C1S: variants seen among roughly 807,000 people sequenced by gnomAD.
C1S encodes the protein complement C1s, also known as complement C1s subcomponent.
Under a neutral mutation model 54.0 loss-of-function variants are expected in C1S, and 31 were observed. That is an observed-to-expected ratio of 0.57 (90% CI 0.43 to 0.78). The LOEUF (loss-of-function observed/expected upper bound fraction) is 0.78, where lower values mean the gene tolerates loss of function less well. C1S is among the 30% of genes least tolerant of loss of function. C1S has a pLI of 0.00. For missense variants in C1S, 727 were observed against 851.8 expected, an observed-to-expected ratio of 0.85 and a Z score of 1.82; for synonymous variants, 292 against 303.6, an observed-to-expected ratio of 0.96 and a Z score of 0.40.
At position 7,062,485 on chromosome 12, in the gene C1S, C is replaced by A; in HGVS notation, c.16C>A (p.Leu6Met). The A allele has an allele frequency of 6.2e-7, 1 of 1,612,868 alleles. No individual in the cohort carries two copies. Among genetic ancestry groups the A allele is most frequent in the Non-Finnish European group, 8.5e-7 (1 of 1,179,910 alleles). ...CCTCTGTTTTTTCAGGTGCATTGTC[C>A]TGTTTTCACTTTTGGCATGGGTTTA... MWCIVLFSLLAWVYAE... is the reference protein window; with the variant it reads MWCIVMFSLLAWVYAE... The change falls in exon 3 of 12, where the codon CTG becomes ATG. Residue 6 changes from leucine (L) to methionine (M), a missense_variant. Leu to Met is a conservative substitution (Grantham distance 15). Transcript: ENST00000360817.
In C1S at chr12:7,070,757, G is replaced by A. The variant is rs782188848; in HGVS notation, c.*106G>A. On this transcript the variant is annotated 3_prime_UTR_variant, in exon 12 of 12. Transcript: ENST00000360817. The surrounding 1 kb of genome is among the most constrained non-coding windows in gnomAD (Gnocchi z 4.9). ...ATCATGACTGAAAGAAGACACGAGC[G>A]AATGATTTAAATAGAACTTGATTGT... 1.7e-5 allele frequency: 17 copies of A among 977,346 alleles called. No homozygotes were observed. The highest frequency in any genetic ancestry group is 2.6e-5 in the Non-Finnish European group (16 of 615,332). 60.5% of individuals were successfully genotyped at this position (977,346 alleles called of 1,614,324 possible).
In C1S at chr12:7,065,035, A is replaced by G; in HGVS notation, c.518-65A>G. 3 of 1,326,332 alleles carry G rather than the reference A, an allele frequency of 2.3e-6. No individual in the cohort carries two copies. In the South Asian group the frequency reaches 3.6e-5, roughly 16 times the overall value. The allele number at this position is 1,326,332 out of a possible 1,614,324, so 82.2% of individuals were successfully genotyped here. A position where few individuals can be genotyped will look rare whatever the true frequency, so the allele number is the denominator to read the frequency against. On this transcript the variant is annotated intron_variant, in intron 5 of 11. Coordinates refer to ENST00000360817, the MANE Select transcript of C1S (RefSeq NM_001734.5). ...CAGTTTCTGAGAGAAGGAATCATAG[A>G]ATAGTGCAGGAATTCCTTTGCTTGA...
In C1S at chr12:7,070,527, ACGCAGCT is replaced by A; in HGVS notation, c.1944_1950del (p.Tyr648Ter). 1 of 1,613,860 alleles carries A rather than the reference ACGCAGCT, an allele frequency of 6.2e-7. No individual in the cohort carries two copies. Among genetic ancestry groups the A allele is most frequent in the Non-Finnish European group, 8.5e-7 (1 of 1,179,856 alleles). On this transcript the variant is annotated frameshift_variant, in exon 12 of 12. Transcript: ENST00000360817. LOFTEE classifies it low-confidence loss of function (END_TRUNC). The surrounding 1 kb of genome is among the most constrained non-coding windows in gnomAD (Gnocchi z 4.9). Reference sequence around the variant, plus strand: ...GATCCCAATGACAAGACCAAATTCTACGCAGCTGGCCTGGTGTCCTGGGGGCCCCAGT... The same window carrying A: ...GATCCCAATGACAAGACCAAATTCTAGGCCTGGTGTCCTGGGGGCCCCAGT...
intron 8 of C1S, 70 bp from the exon 9 acceptor site, chr12:7,066,969 A>C (rs1555162356): frequency 1.8e-6 from 2 of 1,118,390 alleles, no homozygotes; most frequent in Admixed American, 3.4e-5. Context: ...GCCAGAGATC[A>C]ATTCCAGTTT....
In C1S at chr12:7,069,987, A is replaced by C. The variant is rs1555162933; in HGVS notation, c.1403A>C (p.Tyr468Ser). 1 of 1,614,178 alleles carries C rather than the reference A, an allele frequency of 6.2e-7. No homozygotes were observed. Among genetic ancestry groups the C allele is most frequent in the East Asian group, 2.2e-5 (1 of 44,872 alleles). The stretch of plus-strand genomic sequence containing the variant: ...GCTGGTGGAGCGCTCATTAATGAGT[A>C]CTGGGTGCTGACGGCTGCTCATGTT... ...PWAGGALINE[Y>S]WVLTAAHVVE... Residue 468 changes from tyrosine to serine, a missense_variant, in exon 12 of 12, where the codon TAC becomes TCC. Coordinates refer to ENST00000360817, the MANE Select transcript of C1S (RefSeq NM_001734.5).
intron 5 of C1S, among the ~76,000 whole-genome samples, 199 bp from the exon 6 acceptor site, chr12:7,064,901 T>C (rs1947150949): frequency 1.3e-5 from 2 of 152,204 alleles, no homozygotes; most frequent in African/African-American, 2.4e-5. Flanking sequence ...AGCAAAGTGA[T>C]GGAAACCTAA....
In C1S at chr12:7,065,089, TTC is replaced by T. The variant is rs1555161894; in HGVS notation, c.518-7_518-6del. The stretch of plus-strand genomic sequence containing the variant: ...TGTATTTGATTCTCCCTTTCTCTTT[TTC>T]TCTGTTAGTTAATTGCAGTGGGGAT... On this transcript the variant is annotated splice_polypyrimidine_tract_variant and intron_variant, in intron 5 of 11. Transcript: ENST00000360817. The T allele has an allele frequency of 6.2e-7, 1 of 1,608,176 alleles. No homozygotes were observed. The highest frequency in any genetic ancestry group is 2.2e-5 in the East Asian group (1 of 44,840).
chr12:7,065,005 A>G, intron 5 of C1S, 95 bp from the exon 6 acceptor site: 1 of 1,067,284 alleles, frequency 9.4e-7, no homozygotes, highest in Non-Finnish European at 1.4e-6. Context: ...TGAATGCAGG[A>G]CTGTCAGTTT....
chr12:7,062,438 C>T, intron 2 of C1S, 37 bp from the exon 3 acceptor site: 1 of 1,523,308 alleles, frequency 6.6e-7, no homozygotes, highest in Non-Finnish European at 9.1e-7. Flanking sequence ...GCTACTGGTG[C>T]CTGGTCACCC....
intron 4 of C1S, chr12:7,063,409 T>A (rs1555161602): frequency 2.2e-6 from 1 of 460,612 alleles, no homozygotes; most frequent in Non-Finnish European, 4.4e-6. Context: ...CATATAAAGA[T>A]GAAGAAAATA....
chr12:7,061,989 G>T, intron 2 of C1S, 72 bp downstream of exon 2: 3 of 1,484,906 alleles, frequency 2.0e-6, no homozygotes, highest in Non-Finnish European at 2.8e-6. Context: ...GCGCTCAAGG[G>T]CCAGGCATGA....
chr12:7,066,646 C>T lies in C1S; in HGVS notation c.987+13C>T. The T allele has an allele frequency of 6.7e-7, 1 of 1,487,328 alleles. No homozygotes were observed. Among genetic ancestry groups the T allele is most frequent in the Non-Finnish European group, 9.4e-7 (1 of 1,064,050 alleles). The allele number at this position is 1,487,328 out of a possible 1,614,324, so 92.1% of individuals were successfully genotyped here. A position where few individuals can be genotyped will look rare whatever the true frequency, so the allele number is the denominator to read the frequency against. The stretch of plus-strand genomic sequence containing the variant: ...TGAAGTTGTGGAGGTAAAGTACCAC[C>T]TTGGCTTCTCCCCAGTCCCTGGCCC... On this transcript the variant is annotated intron_variant, in intron 8 of 11. Coordinates refer to ENST00000360817, the MANE Select transcript of C1S (RefSeq NM_001734.5).
At chr12:7,065,037 T>C in intron 5 of C1S, 63 bp from the exon 6 acceptor site, 1 of 1,329,902 alleles carries the variant, frequency 7.5e-7, no homozygotes, top group Admixed American at 1.7e-5. Context: ...AATCATAGAA[T>C]AGTGCAGGAA....
chr12:7,066,791 T>G (rs995718954), intron 8 of C1S, 158 bp downstream of exon 8: 7 of 714,298 alleles, frequency 9.8e-6, no homozygotes, highest in Non-Finnish European at 1.8e-5. Context: ...CCCTTGTGAG[T>G]CATGGAGCTG....
At chr12:7,066,781 C>G (rs182893405) in intron 8 of C1S, 148 bp downstream of exon 8, 1 of 718,364 alleles carries the variant, frequency 1.4e-6, no homozygotes, top group Admixed American at 2.0e-5. Flanking sequence ...CTGTAGTTCT[C>G]CCTTGTGAGT....
chr12:7,065,992 C>G (rs1482389150), intron 7 of C1S, 22 bp downstream of exon 7: 1 of 1,610,900 alleles, frequency 6.2e-7, no homozygotes, highest in Non-Finnish European at 8.5e-7. Context: ...AGAAGTGCCT[C>G]TTTGGTTGGT....
At chr12:7,068,221 G>A (rs1937729138) in intron 10 of C1S, among the ~76,000 whole-genome samples, 2 of 152,196 alleles carry the variant, frequency 1.3e-5, no homozygotes, top group African/African-American at 2.4e-5. Flanking sequence ...CTTTCCCGAT[G>A]CCTTCTTTCC....
In C1S at chr12:7,064,227, G is replaced by A. The variant is rs1555161724; in HGVS notation, c.392-40G>A. ...GATTTAACCTCATTCTCCCTTCTTG[G>A]TGTTTGTTCTTGACCTCAGCCTCTT... On this transcript the variant is annotated intron_variant, in intron 4 of 11. Transcript: ENST00000360817. 8 of 1,611,720 alleles carry A rather than the reference G, an allele frequency of 5.0e-6. No homozygotes were observed. In the East Asian group the frequency reaches 1.1e-4, roughly 22 times the overall value.
In C1S at chr12:7,070,039, G is replaced by C. The variant is rs1937801788; in HGVS notation, c.1455G>C (p.Met485Ile). ...TGGAGGGAAACAGGGAGCCAACAAT[G>C]TATGTTGGGTCCACCTCAGTGCAGA... is the stretch of plus-strand genomic sequence containing the variant. ...HVVEGNREPT[M>I]YVGSTSVQTS... Residue 485 changes from methionine to isoleucine, a missense_variant, in exon 12 of 12, where the codon ATG becomes ATC. Physicochemically the swap from Met to Ile is conservative, Grantham distance 10. Coordinates refer to ENST00000360817, the MANE Select transcript of C1S (RefSeq NM_001734.5). This position sits in a 1 kb window ranked among gnomAD's most constrained non-coding sequence, Gnocchi z 4.9. 1 of 1,613,946 alleles carries C rather than the reference G, an allele frequency of 6.2e-7. No individual in the cohort carries two copies. The highest frequency in any genetic ancestry group is 8.5e-7 in the Non-Finnish European group (1 of 1,179,934).
Sources: gnomAD v4.1 joint callset for allele counts (sites outside exome capture counted in the v4.1 genomes callset) on GRCh38, gnomAD v4.1.1 for gene constraint, Gnocchi (gnomAD v3.1) non-coding constraint, MANE v1.5 for transcripts, NCBI Gene and HGNC (gene_info 2026-07-23, HGNC 2026-07-21) for gene names.